NELL2: variants seen among roughly 807,000 people sequenced by gnomAD.
NELL2 encodes the protein protein kinase C-binding protein NELL2.
A neutral mutation model predicts 109.6 loss-of-function variants in NELL2; 41 were observed. The observed-to-expected ratio is 0.37, with a 90% confidence interval of 0.29 to 0.49. The LOEUF (loss-of-function observed/expected upper bound fraction) is 0.49. Among genes scored for constraint, NELL2 ranks in the 20% least tolerant of loss-of-function variants. The pLI is 0.98. For missense variants in NELL2, 900 were observed against 1,008.3 expected (o/e 0.89, Z 1.45); for synonymous variants, 355 against 344.7 (o/e 1.03, Z -0.33).
chr12:44,781,311 T>C (rs1319585577), intron 3 of NELL2, among the ~76,000 whole-genome samples: 1 of 151,764 alleles, frequency 6.6e-6, no homozygotes, highest in Non-Finnish European at 1.5e-5. Context: ...GAATCAGTTA[T>C]CTGGAAGACA....
chr12:44,553,345 T>C (rs1169472723), intron 15 of NELL2, among the ~76,000 whole-genome samples: 1 of 151,676 alleles, frequency 6.6e-6, no homozygotes, highest in Non-Finnish European at 1.5e-5. Context: ...TGACCTAATA[T>C]AACCTTTGAC....
intron 15 of NELL2, among the ~76,000 whole-genome samples, chr12:44,545,550 G>C (rs1328330639): frequency 6.6e-6 from 1 of 152,002 alleles, no homozygotes; most frequent in Non-Finnish European, 1.5e-5. Flanking sequence ...TACAGATGAA[G>C]AAAGAGATGA....
At chr12:44,814,493 A>G (rs1032450932) in intron 3 of NELL2, among the ~76,000 whole-genome samples, 1 of 152,198 alleles carries the variant, frequency 6.6e-6, no homozygotes, top group Non-Finnish European at 1.5e-5. Flanking sequence ...TCTCAACCAC[A>G]TGAAGACAAG....
chr12:44,610,947 G>C lies in NELL2; in HGVS notation c.1468C>G (p.Gln490Glu). The change falls in exon 14 of 20, where the codon CAG becomes GAG. Residue 490 changes from glutamine to glutamate, a missense_variant. Around this residue, in one of 4 missense-constraint regions of NELL2, gnomAD observed 333 missense variants for 432.3 expected, o/e 0.77. Transcript: ENST00000429094. ...CTEHDECITN[Q>E]HNCDENALCF... Reference sequence around the variant, plus strand: ...AAAGCATTTTCATCACAGTTGTGCTGATTTGTGATACACTCATCATGTTCT... The same window carrying C: ...AAAGCATTTTCATCACAGTTGTGCTCATTTGTGATACACTCATCATGTTCT... 2 of 1,612,724 alleles carry C rather than the reference G, an allele frequency of 1.2e-6. No individual in the cohort carries two copies. The highest frequency in any genetic ancestry group is 2.2e-5 in the South Asian group (2 of 91,050).
chr12:44,658,536 A>G (rs1291276791), intron 13 of NELL2, among the ~76,000 whole-genome samples: 2 of 152,192 alleles, frequency 1.3e-5, no homozygotes, highest in Non-Finnish European at 2.9e-5. Context: ...TATAGATTCA[A>G]TGCTATCTCC....
At chr12:44,613,355 AAAG>A (rs1181285905) in intron 13 of NELL2, among the ~76,000 whole-genome samples, 2 of 152,118 alleles carry the variant, frequency 1.3e-5, no homozygotes, top group African/African-American at 4.8e-5. Context: ...TTAAACATTC[AAAG>A]AAGGTTTCTT....
chr12:44,871,735 A>G (rs1023564249), intron 2 of NELL2, among the ~76,000 whole-genome samples: 1 of 152,184 alleles, frequency 6.6e-6, no homozygotes, highest in Non-Finnish European at 1.5e-5. Flanking sequence ...CCAAATGCCT[A>G]TTTCACTCTG....
intron 3 of NELL2, among the ~76,000 whole-genome samples, chr12:44,802,737 T>C (rs1424753035): frequency 6.6e-6 from 1 of 152,080 alleles, no homozygotes; most frequent in Non-Finnish European, 1.5e-5. Context: ...TTTACATAAA[T>C]ATATATTCTC....
chr12:44,577,530 A>C (rs1235318042), intron 15 of NELL2, among the ~76,000 whole-genome samples: 2 of 127,230 alleles, frequency 1.6e-5, no homozygotes, highest in African/African-American at 6.5e-5. Flanking sequence ...GCTGGAGTGC[A>C]GTGGCACGAT....
At chr12:44,516,594 G>GT (rs1355646026) in intron 19 of NELL2, among the ~76,000 whole-genome samples, 9 of 152,258 alleles carry the variant, frequency 5.9e-5, no homozygotes, top group African/African-American at 1.9e-4. Flanking sequence ...TTTTATTTTA[G>GT]TAGGTGTACT....
intron 2 of NELL2, among the ~76,000 whole-genome samples, chr12:44,839,546 A>C (rs1944157689): frequency 6.6e-6 from 1 of 152,222 alleles, no homozygotes; most frequent in South Asian, 2.1e-4. Context: ...AGAATAACAA[A>C]AATGCTTTCC....
chr12:44,643,713 A>G (rs1946944047), intron 13 of NELL2, among the ~76,000 whole-genome samples: 1 of 152,198 alleles, frequency 6.6e-6, no homozygotes. Flanking sequence ...TATTTATATT[A>G]ACCAATGCCA....
intron 13 of NELL2, among the ~76,000 whole-genome samples, chr12:44,661,030 C>T (rs1167045986): frequency 1.3e-5 from 2 of 152,098 alleles, no homozygotes; most frequent in Admixed American, 1.3e-4. Flanking sequence ...AATGCAGATG[C>T]CAGGGAGAAG....
intron 9 of NELL2, among the ~76,000 whole-genome samples, chr12:44,771,698 A>T (rs1941557673): frequency 6.6e-6 from 1 of 152,250 alleles, no homozygotes; most frequent in South Asian, 2.1e-4. Flanking sequence ...ATGTAGATTC[A>T]ACTAAAGAAA....
rs2136435037 is a variant in NELL2 at position 44,711,338 on chromosome 12, C to T, written c.1143G>A (p.Glu381=). 1.2e-6 allele frequency: 2 copies of T among 1,612,672 alleles called. No individual in the cohort carries two copies. The highest frequency in any genetic ancestry group is 1.7e-6 in the Non-Finnish European group (2 of 1,178,976). The change falls in exon 11 of 20, where the codon GAG becomes GAA. Residue 381 remains glutamate (E), a synonymous_variant. Coordinates refer to ENST00000429094, the MANE Select transcript of NELL2 (RefSeq NM_001145108.2). ...SSGCPALDCP[E]SHQITLSHSC... ...TGTGAGACAAGGTTATCTGATGAGA[C>T]TCTGGACAATCCAAAGCTGGACAGC...
intron 9 of NELL2, among the ~76,000 whole-genome samples, chr12:44,729,706 A>ATT (rs34492664): frequency 2.7e-5 from 4 of 147,396 alleles, no homozygotes; most frequent in African/African-American, 7.4e-5. Flanking sequence ...AGCTTCCAGG[A>ATT]TTTTTTTTTT....
intron 9 of NELL2, among the ~76,000 whole-genome samples, chr12:44,759,285 A>G (rs973985780): frequency 2.0e-5 from 3 of 152,168 alleles, no homozygotes; most frequent in African/African-American, 7.2e-5. Flanking sequence ...GTGACTTTAC[A>G]GGTTCTCCAT....
At chr12:44,551,968 C>T (rs1156785827) in intron 15 of NELL2, among the ~76,000 whole-genome samples, 3 of 152,136 alleles carry the variant, frequency 2.0e-5, no homozygotes, top group East Asian at 3.9e-4. Flanking sequence ...CAGGGAAACA[C>T]AGGTCGTGCA....
intron 15 of NELL2, among the ~76,000 whole-genome samples, chr12:44,591,906 A>G (rs1944766308): frequency 6.6e-6 from 1 of 152,176 alleles, no homozygotes; most frequent in African/African-American, 2.4e-5. Flanking sequence ...TGTGCCACTT[A>G]AAATTTTAAA....
Sources: gnomAD v4.1 joint callset for allele counts (sites outside exome capture counted in the v4.1 genomes callset) on GRCh38, gnomAD v4.1.1 for gene constraint, gnomAD v4.1.1 regional missense constraint, MANE v1.5 for transcripts, NCBI Gene and HGNC (gene_info 2026-07-23, HGNC 2026-07-21) for gene names.